NBPF20: variants seen among roughly 807,000 people sequenced by gnomAD.
NBPF20 encodes the protein NBPF member 20, also known as NBPF family member NBPF20.
A neutral mutation model predicts 68.1 loss-of-function variants in NBPF20; 90 were observed. The ratio of observed to expected loss-of-function variants is 1.32; its 90% CI spans 1.11 to 1.58. NBPF20 has a LOEUF of 1.58. NBPF20 is among the 40% of genes most tolerant of loss of function. NBPF20 has a pLI of 0.00. For missense variants in NBPF20, 816 were observed against 601.2 expected, an observed-to-expected ratio of 1.36 and a Z score of -3.74; for synonymous variants, 290 against 228.1, an observed-to-expected ratio of 1.27 and a Z score of -2.45.
intron 9 of NBPF20, 153 bp downstream of exon 14, chr1:145,393,731 T>G: frequency 6.6e-7 from 1 of 1,507,086 alleles, no homozygotes; most frequent in Non-Finnish European, 9.1e-7. Flanking sequence ...CCTAAACATG[T>G]ACTCTAATGA....
chr1:145,402,772 A>G (rs1423455814), intron 3 of NBPF20, among the ~76,000 whole-genome samples: 1 of 149,478 alleles, frequency 6.7e-6, no homozygotes, highest in Non-Finnish European at 1.5e-5. Context: ...CCAGGTGCAG[A>G]TGGGGCGAAT....
intron 137 of NBPF20, 32 bp from the exon 143 acceptor site, chr1:145,291,801 C>G: frequency 6.2e-7 from 1 of 1,611,630 alleles, no homozygotes; most frequent in Non-Finnish European, 8.5e-7. Context: ...AAGAAGCAGC[C>G]AGGGAAAATC....
chr1:145,291,975 A>G (rs879974811), intron 137 of NBPF20, among the ~76,000 whole-genome samples: 2 of 150,214 alleles, frequency 1.3e-5, no homozygotes, highest in Admixed American at 6.6e-5. Context: ...AGAGAGAGAG[A>G]GACAGAGACA....
At chr1:145,422,863 C>T in the NBPF20 span, among the ~76,000 whole-genome samples, 1 of 150,528 alleles carries the variant, frequency 6.6e-6, no homozygotes, top group African/African-American at 2.5e-5. Flanking sequence ...GTGGCACACT[C>T]CTATAGTCGC....
At chr1:145,291,287 A>C (rs1468022618) in exon 138 of NBPF20, 1 of 646,684 alleles carries the variant, frequency 1.5e-6, no homozygotes, top group Non-Finnish European at 2.6e-6. Context: ...AAAATGTCTG[A>C]CTGATCACTC....
chr1:145,292,461 T>G, exon 137 of NBPF20: 1 of 717,542 alleles, frequency 1.4e-6, no homozygotes, highest in Non-Finnish European at 2.5e-6. Context: ...TTCCCCTTCT[T>G]TTCTTCCCCT....
At chr1:145,402,381 C>T (rs1662564932) in exon 4 of NBPF20, 9 of 1,602,870 alleles carry the variant, frequency 5.6e-6, no homozygotes, top group Non-Finnish European at 7.7e-6. Context: ...CTTTATATTG[C>T]CTAAGGTGAG....
At chr1:145,419,889 GC>G in the NBPF20 span, among the ~76,000 whole-genome samples, 1 of 152,118 alleles carries the variant, frequency 6.6e-6, no homozygotes, top group Non-Finnish European at 1.5e-5. Flanking sequence ...TTCCACTGTG[GC>G]CCATAAATTC....
the NBPF20 span, among the ~76,000 whole-genome samples, chr1:145,424,881 G>A: frequency 2.6e-5 from 4 of 152,138 alleles, no homozygotes; most frequent in African/African-American, 4.8e-5. Context: ...TGGTACACCC[G>A]GCTTGCCCAT....
At chr1:145,424,810 C>T in the NBPF20 span, among the ~76,000 whole-genome samples, 2 of 152,184 alleles carry the variant, frequency 1.3e-5, no homozygotes, top group Admixed American at 1.3e-4. Flanking sequence ...TGAGGCTTGT[C>T]CCGCTAGTCA....
the NBPF20 span, among the ~76,000 whole-genome samples, chr1:145,410,815 C>CAT: frequency 3.7e-5 from 1 of 27,228 alleles, no homozygotes; most frequent in African/African-American, 1.4e-4. Flanking sequence ...TATATATATA[C>CAT]GTATATATAT....
exon 138 of NBPF20, chr1:145,291,763 G>A (rs373730950): frequency 1.7e-4 from 268 of 1,611,798 alleles, no homozygotes; most frequent in Middle Eastern, 6.7e-4. Flanking sequence ...TCAGCACGCC[G>A]TTGAGCCTGG....
exon 75 of NBPF20, chr1:145,341,627 G>A (rs1661619491): frequency 1.4e-4 from 3 of 21,742 alleles, no homozygotes; most frequent in Non-Finnish European, 2.9e-4. Context: ...TTCCTTCTTT[G>A]ATCTTCTTCC....
At chr1:145,307,205 AT>A (rs1419907964) in intron 118 of NBPF20, among the ~76,000 whole-genome samples, 1 of 29,342 alleles carries the variant, frequency 3.4e-5, no homozygotes, top group Non-Finnish European at 5.3e-5. Context: ...AGTTCTGTGA[AT>A]TTTTTACATC....
rs1326267090 is a variant in NBPF20 at position 145,403,089 on chromosome 1, C to T, written c.278+127G>A. 1.4e-4 allele frequency: 135 copies of T among 980,584 alleles called. 1 individual carries two copies. The highest frequency in any genetic ancestry group is 7.3e-4 in the Admixed American group (41 of 56,510). 60.7% of individuals were successfully genotyped at this position (980,584 alleles called of 1,614,324 possible). On this transcript the variant is annotated intron_variant, in intron 3 of 137. Coordinates refer to ENST00000369373, the Ensembl canonical transcript of NBPF20. Reference sequence around the variant, plus strand: ...CTGTTTGATAAATATTTATGTGTAGCGAGCCTGCCATGGCAATTCCTGCCC... The same window carrying T: ...CTGTTTGATAAATATTTATGTGTAGTGAGCCTGCCATGGCAATTCCTGCCC...
Position 145,395,388 on chromosome 1 carries a change from A to G in NBPF20, c.828-247T>C, listed in dbSNP as rs1553663552. Among the ~76,000 whole-genome samples the G allele has an allele frequency of 1.5e-4, 22 of 145,010 alleles. No individual in the cohort carries two copies. In the South Asian group the frequency reaches 2.7e-3, roughly 18 times the overall value. ...ACAGATGAGCCAACTCAGGGCACCCAGACTCTCCCTGTAAACTACCATCAT... is the reference window on the plus strand; with the variant it reads ...ACAGATGAGCCAACTCAGGGCACCCGGACTCTCCCTGTAAACTACCATCAT... On this transcript the variant is annotated intron_variant, in intron 7 of 137. Transcript: ENST00000369373.
chr1:145,409,863 T>C (rs1553668555), upstream of NBPF20, among the ~76,000 whole-genome samples: 1 of 151,374 alleles, frequency 6.6e-6, no homozygotes, highest in African/African-American at 2.4e-5. Context: ...ACTTTCCAAT[T>C]TTGAGTTGGT....
intron 7 of NBPF20, among the ~76,000 whole-genome samples, chr1:145,398,353 T>C (rs1461331631): frequency 1.3e-5 from 2 of 151,626 alleles, no homozygotes; most frequent in Non-Finnish European, 2.9e-5. Flanking sequence ...TCAGCAAATG[T>C]AAAAGAATGG....
chr1:145,292,166 T>G (rs1414343168), intron 137 of NBPF20, among the ~76,000 whole-genome samples: 2 of 149,876 alleles, frequency 1.3e-5, no homozygotes, highest in African/African-American at 2.6e-5. Context: ...GAGTACAGCT[T>G]TTGAAGTATG....
Sources: allele counts gnomAD v4.1 joint callset (sites outside exome capture counted in the v4.1 genomes callset), GRCh38; gene constraint gnomAD v4.1.1; transcripts MANE v1.5; gene names NCBI Gene and HGNC (gene_info 2026-07-23, HGNC 2026-07-21).